CDK13: variants seen among roughly 807,000 people sequenced by gnomAD.
The protein encoded by CDK13 is cyclin dependent kinase 13, also known as cyclin-dependent kinase 13.
A neutral mutation model predicts 137.6 loss-of-function variants in CDK13; 40 were observed. That is an observed-to-expected ratio of 0.29 (90% CI 0.23 to 0.38). CDK13 has a LOEUF of 0.38. CDK13 is among the 10% of genes least tolerant of loss of function. The pLI, the probability that CDK13 is intolerant of heterozygous loss-of-function variation, is 1.00. For missense variants in CDK13, 1,704 were observed against 1,951.8 expected, an observed-to-expected ratio of 0.87 and a Z score of 2.39; for synonymous variants, 869 against 760.1, an observed-to-expected ratio of 1.14 and a Z score of -2.36.
At chr7:39,969,167 G>A (rs949076304) in intron 1 of CDK13, among the ~76,000 whole-genome samples, 4 of 152,060 alleles carry the variant, frequency 2.6e-5, no homozygotes, top group African/African-American at 7.2e-5. Context: ...ACACCACCAC[G>A]CCTGGCTAGT....
At chr7:40,022,154 T>G (rs1385858016) in intron 5 of CDK13, among the ~76,000 whole-genome samples, 2 of 152,160 alleles carry the variant, frequency 1.3e-5, no homozygotes, top group African/African-American at 2.4e-5. Flanking sequence ...GGACCAGAGT[T>G]TTCTTAGGGC....
intron 5 of CDK13, among the ~76,000 whole-genome samples, chr7:40,016,594 A>G (rs1228363781): frequency 1.3e-5 from 2 of 152,184 alleles, no homozygotes; most frequent in African/African-American, 4.8e-5. Flanking sequence ...TTATGTATTT[A>G]TAGAAATACA....
chr7:40,041,584 T>G (rs1362130677), intron 5 of CDK13, among the ~76,000 whole-genome samples: 4 of 152,232 alleles, frequency 2.6e-5, no homozygotes, highest in African/African-American at 7.2e-5. Context: ...TAGCCACATG[T>G]GGCTAGTGGC....
chr7:39,978,448 G>C (rs1014173669), intron 1 of CDK13, among the ~76,000 whole-genome samples: 2 of 152,158 alleles, frequency 1.3e-5, no homozygotes, highest in Non-Finnish European at 2.9e-5. Context: ...TTTGAGGATT[G>C]AAAGGACAAA....
intron 1 of CDK13, among the ~76,000 whole-genome samples, chr7:39,971,042 C>A (rs1783986378): frequency 6.6e-6 from 1 of 151,978 alleles, no homozygotes; most frequent in Non-Finnish European, 1.5e-5. Flanking sequence ...AAATTTTTTC[C>A]TTAATATTTT....
intron 7 of CDK13, among the ~76,000 whole-genome samples, chr7:40,049,691 T>C (rs1223262708): frequency 6.6e-6 from 1 of 152,176 alleles, no homozygotes; most frequent in Non-Finnish European, 1.5e-5. Context: ...GAATTTACTT[T>C]TGTCTAACTG....
chr7:40,069,989 C>CAGGTCATG (rs928259014), intron 9 of CDK13: 2 of 136,934 alleles, frequency 1.5e-5, no homozygotes, highest in East Asian at 2.2e-4. Flanking sequence ...CCGAGGCGGA[C>CAGGTCATG]AGGTCATGAG....
intron 1 of CDK13, among the ~76,000 whole-genome samples, chr7:39,975,594 A>G (rs1434867570): frequency 6.6e-6 from 1 of 152,200 alleles, no homozygotes; most frequent in Non-Finnish European, 1.5e-5. Context: ...ACATTTGAAC[A>G]GTGTTTTATA....
Position 39,950,470 on chromosome 7 carries a change from C to T in CDK13, c.-172C>T, listed in dbSNP as rs1008588487. 2.9e-5 allele frequency: 36 copies of T among 1,257,232 alleles called. No individual in the cohort carries two copies. The Admixed American group carries it at 4.6e-4, about 16-fold the overall frequency. 77.9% of individuals were successfully genotyped at this position (1,257,232 alleles called of 1,614,324 possible). A position where few individuals can be genotyped will look rare whatever the true frequency, so the allele number is the denominator to read the frequency against. ...GAGGCTGCTGCGTACCCCACTGTGACCTGGAACCCAGGGACCCGAGTCCCG... is the reference window on the plus strand; with the variant it reads ...GAGGCTGCTGCGTACCCCACTGTGATCTGGAACCCAGGGACCCGAGTCCCG... On this transcript the variant is annotated 5_prime_UTR_variant, in exon 1 of 14. Transcript: ENST00000181839.
intron 1 of CDK13, among the ~76,000 whole-genome samples, chr7:39,983,596 T>G (rs552997108): frequency 1.9e-4 from 29 of 152,274 alleles, no homozygotes; most frequent in Non-Finnish European, 4.0e-4. Context: ...TTAAATATAG[T>G]TTATGTGTCT....
chr7:40,027,860 AATC>A (rs1467875965), intron 5 of CDK13, among the ~76,000 whole-genome samples: 1 of 152,038 alleles, frequency 6.6e-6, no homozygotes, highest in Admixed American at 6.6e-5. Flanking sequence ...GTGTGAGGGT[AATC>A]ATCTTGAGAC....
chr7:39,951,684 G>C lies in CDK13; in HGVS notation c.1043G>C (p.Ser348Thr). Residue 348 changes from serine to threonine, a missense_variant, in exon 1 of 14, where the codon AGC (serine) becomes ACC (threonine). Around this residue, in one of 5 missense-constraint regions of CDK13, gnomAD observed 1,051 missense variants for 931.0 expected, o/e 1.13. Coordinates refer to ENST00000181839, the MANE Select transcript of CDK13 (RefSeq NM_003718.5). ...RKSPSPAGGG[S>T]SPYSRRLPRS... is the part of the protein sequence containing the mutation. ...TCCCCCAGCCCGGCAGGAGGTGGCA[G>C]CAGCCCCTATTCTCGGCGGCTGCCG... The C allele has an allele frequency of 6.8e-7, 1 of 1,464,136 alleles. No individual in the cohort carries two copies. Among genetic ancestry groups the C allele is most frequent in the African/African-American group, 1.5e-5 (1 of 68,066 alleles). 90.7% of individuals were successfully genotyped at this position (1,464,136 alleles called of 1,614,324 possible).
rs1562733223 is a variant in CDK13, at chr7:40,021,150, C to CACACAT, written c.2353+19120_2353+19121insCACATA. ...ACACACACACACACACACACACACACATAAAGTTTTAAGTCTGAAATTCCC... is the reference window on the plus strand; with the variant it reads ...ACACACACACACACACACACACACACACACATATAAAGTTTTAAGTCTGAAATTCCC... On this transcript the variant is annotated intron_variant, in intron 5 of 13. Coordinates refer to ENST00000181839, the MANE Select transcript of CDK13 (RefSeq NM_003718.5). Among the ~76,000 whole-genome samples, 7 of 150,562 alleles carry CACACAT rather than the reference C, an allele frequency of 4.6e-5. No individual in the cohort carries two copies. In the South Asian group the frequency reaches 8.4e-4, roughly 18 times the overall value.
chr7:40,047,686 A>G, intron 6 of CDK13, 135 bp from the exon 7 acceptor site: 1 of 589,612 alleles, frequency 1.7e-6, no homozygotes, highest in South Asian at 2.6e-5. Flanking sequence ...TACCTTGATG[A>G]TATTGCAGTG....
At chr7:40,088,038 T>TGG (rs1786829877) in intron 11 of CDK13, 88 bp from the exon 12 acceptor site, 1 of 1,001,394 alleles carries the variant, frequency 1.0e-6, no homozygotes, top group Non-Finnish European at 1.5e-6. Flanking sequence ...CTATTTGGGG[T>TGG]GGGGGCATAA....
At chr7:40,046,243 T>C (rs1175503117) in intron 6 of CDK13, among the ~76,000 whole-genome samples, 1 of 152,168 alleles carries the variant, frequency 6.6e-6, no homozygotes, top group Non-Finnish European at 1.5e-5. Flanking sequence ...CAAACACATA[T>C]ACCCCCGAAT....
chr7:40,006,664 C>G (rs929891979), intron 5 of CDK13, among the ~76,000 whole-genome samples: 1 of 152,098 alleles, frequency 6.6e-6, no homozygotes, highest in Non-Finnish European at 1.5e-5. Context: ...CGCCTGTAAT[C>G]CCAGCTACTA....
chr7:39,950,409 G>A lies in CDK13; in HGVS notation c.-233G>A, dbSNP rs993660574. On this transcript the variant is annotated 5_prime_UTR_variant, in exon 1 of 14. Transcript: ENST00000181839. The stretch of plus-strand genomic sequence containing the variant: ...GATAGGACGACGAGCGCAATCGGGA[G>A]CTCCGCCGCCCGGATTCCTGCTTCC... 11 of 1,231,728 alleles carry A rather than the reference G, an allele frequency of 8.9e-6. No individual in the cohort carries two copies. Among genetic ancestry groups the A allele is most frequent in the Non-Finnish European group, 1.1e-5 (11 of 987,856 alleles). The allele number at this position is 1,231,728 out of a possible 1,614,324, so 76.3% of individuals were successfully genotyped here.
intron 1 of CDK13, among the ~76,000 whole-genome samples, chr7:39,957,029 ACT>A (rs1359107173): frequency 6.0e-5 from 9 of 151,232 alleles, no homozygotes; most frequent in Non-Finnish European, 1.0e-4. Flanking sequence ...GACACTCCAA[ACT>A]CTCTTTTGCT....
Sources: gnomAD v4.1 joint callset for allele counts (sites outside exome capture counted in the v4.1 genomes callset) on GRCh38, gnomAD v4.1.1 for gene constraint, gnomAD v4.1.1 regional missense constraint, MANE v1.5 for transcripts, NCBI Gene and HGNC (gene_info 2026-07-23, HGNC 2026-07-21) for gene names.